Variants in GLI3 observed in about 807,000 individuals in gnomAD.
GLI3 encodes transcription activator GLI3.
A neutral mutation model predicts 100.8 loss-of-function variants in GLI3; 20 were observed. The observed-to-expected ratio is 0.20, with a 90% CI of 0.14 to 0.29. The LOEUF (loss-of-function observed/expected upper bound fraction) is 0.29, where lower values mean the gene tolerates loss of function less well. Ranked by LOEUF, GLI3 falls within the 10% of genes least tolerant of loss-of-function variation. GLI3 has a pLI of 1.00. For synonymous variants in GLI3, 938 were observed against 860.5 expected (o/e 1.09, Z -1.58); for missense variants, 2,040 against 2,128.5 (o/e 0.96, Z 0.82).
intron 2 of GLI3, among the ~76,000 whole-genome samples, chr7:42,216,028 C>A (rs1788369216): frequency 6.6e-6 from 1 of 152,174 alleles, no homozygotes. Flanking sequence ...ATTACTATTA[C>A]TATCAATAGC....
rs575042777 is a variant in GLI3 at position 42,040,045 on chromosome 7, C to A, written c.1021G>T (p.Ala341Ser). The change falls in exon 7 of 15, where the codon GCA (alanine) becomes TCA (serine). Residue 341 changes from alanine to serine, a missense_variant. Physicochemically the swap from Ala to Ser is moderately conservative, Grantham distance 99. Around this residue, in one of 5 missense-constraint regions of GLI3, gnomAD observed 603 missense variants for 690.9 expected, o/e 0.87. Transcript: ENST00000395925. The part of the protein sequence containing the change: ...SGSYGHLSAS[A>S]ISPALSFTYS... The stretch of plus-strand genomic sequence containing the variant: ...ATTCAGGAAAATACATACCTGATTG[C>A]ACTTGCAGATAAGTGACCATAGGAG... 1 of 1,608,866 alleles carries A rather than the reference C, an allele frequency of 6.2e-7. No individual in the cohort carries two copies. Among genetic ancestry groups the A allele is most frequent in the South Asian group, 1.1e-5 (1 of 90,982 alleles).
At chr7:42,110,788 A>T (rs1785688227) in intron 3 of GLI3, among the ~76,000 whole-genome samples, 1 of 152,210 alleles carries the variant, frequency 6.6e-6, no homozygotes, top group Non-Finnish European at 1.5e-5. Flanking sequence ...GAACCGACAC[A>T]TTTTGTTTCT....
At chr7:41,968,006 C>T (rs970953980) in intron 13 of GLI3, 83 bp from the exon 14 acceptor site, 31 of 1,046,050 alleles carry the variant, frequency 3.0e-5, no homozygotes, top group African/African-American at 1.7e-4. Context: ...TCATGCATAT[C>T]GAGATCTTCA....
intron 3 of GLI3, among the ~76,000 whole-genome samples, chr7:42,141,458 G>A (rs1224871096): frequency 2.0e-5 from 3 of 152,112 alleles, no homozygotes; most frequent in Non-Finnish European, 2.9e-5. Context: ...GATCACCTGA[G>A]GTCAGGAGTT....
At chr7:42,189,646 G>A (rs1327746347) in intron 2 of GLI3, among the ~76,000 whole-genome samples, 3 of 152,124 alleles carry the variant, frequency 2.0e-5, no homozygotes, top group Non-Finnish European at 4.4e-5. Context: ...GTACTCTGAT[G>A]GCTTTGAAGA....
At chr7:42,196,013 A>C (rs1787921897) in intron 2 of GLI3, among the ~76,000 whole-genome samples, 1 of 152,204 alleles carries the variant, frequency 6.6e-6, no homozygotes, top group Non-Finnish European at 1.5e-5. Flanking sequence ...AGTGTGTCCA[A>C]TAAGGTAAAC....
chr7:42,180,076 A>C (rs1787562709), intron 2 of GLI3, among the ~76,000 whole-genome samples: 1 of 152,164 alleles, frequency 6.6e-6, no homozygotes, highest in Admixed American at 6.5e-5. Flanking sequence ...AAGAGGGCCC[A>C]GGTCTGAACT....
At chr7:42,236,782 G>T (rs1255804318) in intron 1 of GLI3, among the ~76,000 whole-genome samples, 189 bp downstream of exon 1, 1 of 152,226 alleles carries the variant, frequency 6.6e-6, no homozygotes, top group Non-Finnish European at 1.5e-5. Context: ...CCTTCCAGGA[G>T]GAGGGAGCGA....
chr7:42,066,455 A>G (rs1784676728), intron 4 of GLI3, among the ~76,000 whole-genome samples: 2 of 152,106 alleles, frequency 1.3e-5, no homozygotes, highest in East Asian at 1.9e-4. Flanking sequence ...GGGTTAAAAG[A>G]TGGGGAAAGG....
chr7:41,973,775 A>T (rs2128710535), intron 12 of GLI3, among the ~76,000 whole-genome samples: 1 of 152,308 alleles, frequency 6.6e-6, no homozygotes, highest in Non-Finnish European at 1.5e-5. Context: ...AGTGCTACCT[A>T]AAATGCTGAA....
In GLI3 at chr7:42,156,319, G is replaced by A. The variant is rs77687636; in HGVS notation, c.125-7851C>T. Among the ~76,000 whole-genome samples, 47 of 152,250 alleles carry A rather than the reference G, an allele frequency of 3.1e-4. No homozygotes were observed. The East Asian group carries it at 6.8e-3, about 22-fold the overall frequency. On this transcript the variant is annotated intron_variant, in intron 2 of 14. Coordinates refer to ENST00000395925, the MANE Select transcript of GLI3 (RefSeq NM_000168.6). ...ATTAGTCTGCTATTAGTTGCCAGTC[G>A]CTGCTTACACAGAGTGAGTTAATTA...
intron 3 of GLI3, among the ~76,000 whole-genome samples, chr7:42,144,791 A>G (rs1283571608): frequency 6.6e-6 from 1 of 152,224 alleles, no homozygotes; most frequent in Non-Finnish European, 1.5e-5. Context: ...GAGAGTCTAC[A>G]ATTTCCAACC....
At position 41,964,322 on chromosome 7, in the gene GLI3, C is replaced by T. The variant is rs1345681780; in HGVS notation, c.*8G>A. 1 of 1,611,868 alleles carries T rather than the reference C, an allele frequency of 6.2e-7. No individual in the cohort carries two copies. The highest frequency in any genetic ancestry group is 8.5e-7 in the Non-Finnish European group (1 of 1,178,872). ...TTTCCGTTGGTTGCAGTCTTTTTTT[C>T]CTAAAGCCTATTGCATAACTGCAAG... On this transcript the variant is annotated 3_prime_UTR_variant, in exon 15 of 15. Coordinates refer to ENST00000395925, the MANE Select transcript of GLI3 (RefSeq NM_000168.6).
At chr7:41,981,511 G>A (rs1003618887) in intron 10 of GLI3, among the ~76,000 whole-genome samples, 4 of 152,188 alleles carry the variant, frequency 2.6e-5, no homozygotes, top group Non-Finnish European at 5.9e-5. Flanking sequence ...GTAAAAAAAG[G>A]GACTCTCATA....
chr7:41,991,367 T>C (rs192253923), intron 10 of GLI3, among the ~76,000 whole-genome samples: 3 of 152,314 alleles, frequency 2.0e-5, no homozygotes, highest in African/African-American at 7.2e-5. Flanking sequence ...CGGCATGCTT[T>C]TCAACCTGTA....
rs1434238812 is a variant in GLI3 at position 42,144,071 on chromosome 7, C to G, written c.367+4155G>C. 2.0e-5 allele frequency among the ~76,000 whole-genome samples: 3 copies of G among 152,202 alleles called. No individual in the cohort carries two copies. In the East Asian group the frequency reaches 5.8e-4, roughly 29 times the overall value. On this transcript the variant is annotated intron_variant, in intron 3 of 14. Transcript: ENST00000395925. ...ACACATGTTTTCTGTAAAAGGGAAG[C>G]GAATAAAAGTTAAGTGTCGGCCAGG...
chr7:42,129,764 C>G (rs1428705585), intron 3 of GLI3, among the ~76,000 whole-genome samples: 1 of 151,952 alleles, frequency 6.6e-6, no homozygotes, highest in Non-Finnish European at 1.5e-5. Context: ...GAGCCGAGAT[C>G]GCGCCACTGC....
intron 4 of GLI3, among the ~76,000 whole-genome samples, chr7:42,066,503 T>C (rs992888204): frequency 1.3e-5 from 2 of 152,246 alleles, no homozygotes; most frequent in South Asian, 4.1e-4. Flanking sequence ...GTGCAGTGCA[T>C]CTCTGGATCG....
chr7:42,085,789 G>A (rs903403890), intron 3 of GLI3, among the ~76,000 whole-genome samples: 8 of 152,170 alleles, frequency 5.3e-5, no homozygotes, highest in Non-Finnish European at 7.3e-5. Context: ...CGGGGCTCAG[G>A]CTCAGCATAT....
Sources: gnomAD v4.1 joint callset for allele counts (sites outside exome capture counted in the v4.1 genomes callset) on GRCh38, gnomAD v4.1.1 for gene constraint, gnomAD v4.1.1 regional missense constraint, MANE v1.5 for transcripts, NCBI Gene and HGNC (gene_info 2026-07-23, HGNC 2026-07-21) for gene names.